Variants in BCAS1 observed in about 807,000 individuals in gnomAD.
The protein encoded by BCAS1 is brain enriched myelin associated protein 1.
In BCAS1, 46 loss-of-function variants were observed where a neutral mutation model predicts 65.4. The observed-to-expected ratio is 0.70, with a 90% CI of 0.55 to 0.90. The LOEUF (loss-of-function observed/expected upper bound fraction) is 0.90, where lower values mean the gene tolerates loss of function less well. Among genes scored for constraint, BCAS1 ranks in the 40% least tolerant of loss-of-function variants. The pLI is 0.00. For synonymous variants in BCAS1, 298 were observed against 293.5 expected (o/e 1.02, Z -0.16); for missense variants, 793 against 771.2 (o/e 1.03, Z -0.33).
chr20:54,000,974 A>T (rs1342851572), intron 4 of BCAS1, among the ~76,000 whole-genome samples: 4 of 152,116 alleles, frequency 2.6e-5, no homozygotes, highest in Admixed American at 6.5e-5. Context: ...TCTTCACATC[A>T]TGAGTTACAT....
At chr20:54,023,153 T>A (rs1283234063) in intron 4 of BCAS1, among the ~76,000 whole-genome samples, 1 of 152,274 alleles carries the variant, frequency 6.6e-6, no homozygotes, top group Non-Finnish European at 1.5e-5. Context: ...TTATTTGTTT[T>A]TATTTTTCAC....
intron 2 of BCAS1, 144 bp from the exon 3 acceptor site, chr20:54,058,298 C>T (rs1199588800): frequency 2.5e-6 from 2 of 789,898 alleles, no homozygotes; most frequent in African/African-American, 3.4e-5. Flanking sequence ...CCCCAGTTTT[C>T]TATCATGCCT....
intron 8 of BCAS1, among the ~76,000 whole-genome samples, chr20:53,975,881 T>G (rs1193264079): frequency 6.6e-6 from 1 of 152,160 alleles, no homozygotes; most frequent in Non-Finnish European, 1.5e-5. Context: ...ATTGTCCTTT[T>G]GAGCAAGCAG....
intron 9 of BCAS1, among the ~76,000 whole-genome samples, chr20:53,967,914 T>C (rs1002517233): frequency 8.6e-5 from 13 of 151,792 alleles, no homozygotes; most frequent in Non-Finnish European, 2.9e-5. Context: ...CCAGGAGAGG[T>C]TTTTTAATTT....
At chr20:54,020,732 G>A (rs561164860) in intron 4 of BCAS1, among the ~76,000 whole-genome samples, 72 of 152,258 alleles carry the variant, frequency 4.7e-4, no homozygotes, top group African/African-American at 1.6e-3. Flanking sequence ...ACAGAACAGC[G>A]TTCTCCAAAT....
intron 7 of BCAS1, among the ~76,000 whole-genome samples, chr20:53,986,282 G>C (rs1261998521): frequency 6.6e-6 from 1 of 151,560 alleles, no homozygotes; most frequent in East Asian, 1.9e-4. Flanking sequence ...CTCTCTCTCT[G>C]AGCAGCTGCA....
intron 3 of BCAS1, among the ~76,000 whole-genome samples, chr20:54,042,850 TA>T (rs1466969860): frequency 6.6e-6 from 1 of 152,246 alleles, no homozygotes; most frequent in East Asian, 1.9e-4. Context: ...CCAATTTGCC[TA>T]GGGCTGGCCC....
intron 3 of BCAS1, among the ~76,000 whole-genome samples, chr20:54,045,360 A>T (rs2092084113): frequency 6.6e-6 from 1 of 152,080 alleles, no homozygotes; most frequent in Non-Finnish European, 1.5e-5. Flanking sequence ...TTGTAGCTTT[A>T]AAAAAAATGA....
At chr20:53,994,971 C>T (rs368686287) in intron 6 of BCAS1, 41 bp downstream of exon 6, 110 of 1,580,712 alleles carry the variant, frequency 7.0e-5, no homozygotes, top group African/African-American at 1.5e-4. Flanking sequence ...CAATTCTATG[C>T]GCAAACCCAA....
chr20:54,054,722 C>A (rs1022251532), intron 3 of BCAS1, among the ~76,000 whole-genome samples: 2 of 152,174 alleles, frequency 1.3e-5, no homozygotes, highest in African/African-American at 4.8e-5. Context: ...GGGCGAGGTA[C>A]AAATAACCCA....
Position 54,041,908 on chromosome 20 carries a change from C to CAAAAAAAAAAAAAAAAAAA in BCAS1, c.143-12937_143-12936insTTTTTTTTTTTTTTTTTTT, listed in dbSNP as rs1391284796. On this transcript the variant is annotated intron_variant, in intron 3 of 12. Coordinates refer to ENST00000688948, the MANE Select transcript of BCAS1 (RefSeq NM_001366298.2). ...AGTTCAGAGTGAGACTCTGTCTCCC[C>CAAAAAAAAAAAAAAAAAAA]CAAAAAAAAAAAAAAAAAAAAAAGA... is the stretch of plus-strand genomic sequence containing the variant. 1.7e-3 allele frequency among the ~76,000 whole-genome samples: 113 copies of CAAAAAAAAAAAAAAAAAAA among 67,300 alleles called. 27 individuals are homozygous for CAAAAAAAAAAAAAAAAAAA. Among genetic ancestry groups the CAAAAAAAAAAAAAAAAAAA allele is most frequent in the South Asian group, 5.2e-3 (7 of 1,334 alleles). The allele number at this position is 67,300 out of a possible 152,430, so 44.2% of individuals were successfully genotyped here.
At chr20:53,980,453 G>T (rs967090228) in intron 8 of BCAS1, among the ~76,000 whole-genome samples, 1 of 152,166 alleles carries the variant, frequency 6.6e-6, no homozygotes, top group African/African-American at 2.4e-5. Flanking sequence ...AAATAGTAAT[G>T]CTAATAGAGA....
At chr20:53,953,062 CTGA>C (rs1448709995) in intron 12 of BCAS1, among the ~76,000 whole-genome samples, 1 of 152,178 alleles carries the variant, frequency 6.6e-6, no homozygotes, top group South Asian at 2.1e-4. Context: ...CTGAACAAAA[CTGA>C]TGATGATGTT....
At chr20:53,985,220 C>A in intron 8 of BCAS1, 67 bp downstream of exon 8, 1 of 1,449,720 alleles carries the variant, frequency 6.9e-7, no homozygotes. Context: ...ACAGTTAGCC[C>A]AATAGAAATA....
chr20:53,964,844 C>G (rs1403781000), intron 10 of BCAS1, among the ~76,000 whole-genome samples: 1 of 150,270 alleles, frequency 6.7e-6, no homozygotes, highest in African/African-American at 2.5e-5. Flanking sequence ...TGTACTTTTC[C>G]CTGTTTTAAA....
chr20:54,028,038 G>A (rs2091713147), intron 4 of BCAS1, among the ~76,000 whole-genome samples: 1 of 152,188 alleles, frequency 6.6e-6, no homozygotes, highest in South Asian at 2.1e-4. Context: ...ACATCTTTTA[G>A]GAATCATTTT....
chr20:53,946,527 A>C (rs1441607888), intron 12 of BCAS1, among the ~76,000 whole-genome samples: 3 of 150,110 alleles, frequency 2.0e-5, no homozygotes, highest in African/African-American at 7.5e-5. Flanking sequence ...ATATACACAC[A>C]CACATAGAGA....
At chr20:54,069,942 T>C (rs1392324761) in intron 1 of BCAS1, among the ~76,000 whole-genome samples, 1 of 152,216 alleles carries the variant, frequency 6.6e-6, no homozygotes, top group Non-Finnish European at 1.5e-5. Flanking sequence ...AGCTGCCTCA[T>C]AGGGTGGTCT....
In BCAS1 at chr20:54,058,156, T is replaced by C; in HGVS notation, c.73-2A>G. ...CCCGTTCAGAGCAGACGCGTTGTCC[T>C]GAAACAGAGCACGTGGCATTGTGAG... On this transcript the variant is annotated splice_acceptor_variant, in intron 2 of 12. Transcript: ENST00000688948. LOFTEE classifies it high-confidence loss of function. The C allele has an allele frequency of 1.2e-6, 2 of 1,613,888 alleles. No homozygotes were observed. Among genetic ancestry groups the C allele is most frequent in the Non-Finnish European group, 1.7e-6 (2 of 1,179,826 alleles).
Sources: allele counts gnomAD v4.1 joint callset (sites outside exome capture counted in the v4.1 genomes callset), GRCh38; gene constraint gnomAD v4.1.1; transcripts MANE v1.5; gene names NCBI Gene and HGNC (gene_info 2026-07-23, HGNC 2026-07-21).